The following SKI variants were observed in gnomAD, a reference collection of about 807,000 sequenced individuals.
SKI encodes ski oncogene.
In SKI, 23 loss-of-function variants were observed where a neutral mutation model predicts 59.3. The observed-to-expected ratio is 0.39, with a 90% confidence interval of 0.28 to 0.55. SKI has a LOEUF of 0.55. Ranked by LOEUF, SKI falls within the 20% of genes least tolerant of loss-of-function variation. The pLI is 0.67. For missense variants in SKI, 1,017 were observed against 1,038.9 expected, an observed-to-expected ratio of 0.98 and a Z score of 0.29; for synonymous variants, 673 against 488.6, an observed-to-expected ratio of 1.38 and a Z score of -4.98.
chr1:2,283,076 G>A (rs776253106), intron 1 of SKI, among the ~76,000 whole-genome samples: 2 of 152,222 alleles, frequency 1.3e-5, no homozygotes, highest in South Asian at 2.1e-4. Flanking sequence ...GGAGGATCCC[G>A]TGGGAATGAC....
At chr1:2,306,511 G>A (rs1640586043) in intron 6 of SKI, 66 bp from the exon 7 acceptor site, 21 of 1,478,634 alleles carry the variant, frequency 1.4e-5, no homozygotes, top group Non-Finnish European at 1.9e-5. Flanking sequence ...CCTCGGGTGG[G>A]GGAAGCAGCG....
chr1:2,296,405 C>T (rs769028160), intron 1 of SKI, among the ~76,000 whole-genome samples: 3 of 152,028 alleles, frequency 2.0e-5, no homozygotes, highest in Non-Finnish European at 4.4e-5. Context: ...CAAAAACAAA[C>T]AAACCCAGTT....
intron 1 of SKI, among the ~76,000 whole-genome samples, chr1:2,287,789 C>T (rs1640075089): frequency 6.6e-6 from 1 of 152,160 alleles, no homozygotes; most frequent in Non-Finnish European, 1.5e-5. Context: ...GATCTCCCCT[C>T]ACCTTGGGGG....
rs903106718 is a variant in SKI, at chr1:2,307,700, T to C, written c.*935T>C. The C allele has an allele frequency of 2.6e-5, 4 of 152,554 alleles. No individual in the cohort carries two copies. Among genetic ancestry groups the C allele is most frequent in the Non-Finnish European group, 5.9e-5 (4 of 68,034 alleles). The allele number at this position is 152,554 out of a possible 1,614,324, so 9.5% of individuals were successfully genotyped here. A position where few individuals can be genotyped will look rare whatever the true frequency, so the allele number is the denominator to read the frequency against. On this transcript the variant is annotated 3_prime_UTR_variant, in exon 7 of 7. Coordinates refer to ENST00000378536, the MANE Select transcript of SKI (RefSeq NM_003036.4). ...GCATTATTTCAATTTTTCTTTCTTTTTTTTTGTTCGTTCATTTAAACGTAT... is the reference window on the plus strand; with the variant it reads ...GCATTATTTCAATTTTTCTTTCTTTCTTTTTGTTCGTTCATTTAAACGTAT...
rs763083721 is a variant in SKI, at chr1:2,229,177, G to A, written c.411G>A (p.Gln137=). ...CGGTGCTGCGCGACTTCTCGCTGCA[G>A]CAGATCAACGCGGTGTGCGACGAGC... The part of the protein sequence containing the change: ...LNSVLRDFSL[Q]QINAVCDELH... Residue 137 remains glutamine (Q), a synonymous_variant, in exon 1 of 7, where the codon CAG becomes CAA. Transcript: ENST00000378536. The surrounding 1 kb of genome is among the most constrained non-coding windows in gnomAD (Gnocchi z 6.3). 1 of 1,611,566 alleles carries A rather than the reference G, an allele frequency of 6.2e-7. No homozygotes were observed. The highest frequency in any genetic ancestry group is 2.2e-5 in the East Asian group (1 of 44,816).
rs930896830 is a variant in SKI at position 2,269,820 on chromosome 1, G to A, written c.970-33158G>A. ...GCGTGGGTCTGGCGGGTCTGGTGGT[G>A]CCTGTGGCTGGCGTGGGTCTGGCGG... On this transcript the variant is annotated intron_variant, in intron 1 of 6. Coordinates refer to ENST00000378536, the MANE Select transcript of SKI (RefSeq NM_003036.4). This position sits in a 1 kb window ranked among gnomAD's most constrained non-coding sequence, Gnocchi z 4.7. Among the ~76,000 whole-genome samples the A allele has an allele frequency of 6.6e-6, 1 of 150,466 alleles. No homozygotes were observed. Among genetic ancestry groups the A allele is most frequent in the African/African-American group, 2.4e-5 (1 of 40,898 alleles).
chr1:2,306,580 G>C lies in SKI; in HGVS notation c.2002G>C (p.Glu668Gln). The change falls in exon 7 of 7, where the codon GAA becomes CAA. Residue 668 changes from glutamate to glutamine, a missense_variant. By Grantham distance (29) the Glu-to-Gln change is conservative (BLOSUM62 2). Transcript: ENST00000378536. The stretch of plus-strand genomic sequence containing the variant: ...TGACCACTCGGCTCCCTTTCAGATC[G>C]AAGACCTGCAGGTGAAGCTGCAGCA... ...RLRAKYSAQIEDLQVKLQHAE... is the reference protein window; with the variant it reads ...RLRAKYSAQIQDLQVKLQHAE... The C allele has an allele frequency of 6.5e-7, 1 of 1,542,442 alleles. No individual in the cohort carries two copies. Among genetic ancestry groups the C allele is most frequent in the Non-Finnish European group, 8.7e-7 (1 of 1,145,482 alleles).
At position 2,263,258 on chromosome 1, in the gene SKI, G is replaced by A. The variant is rs1173501798; in HGVS notation, c.969+33523G>A. On this transcript the variant is annotated intron_variant, in intron 1 of 6. Transcript: ENST00000378536. The stretch of plus-strand genomic sequence containing the variant: ...AATTTTTTTTTTTTTTTTTTTTGGA[G>A]ACGGAGTCTTGCTCTGTCGCCCAGG... Among the ~76,000 whole-genome samples the A allele has an allele frequency of 8.7e-5, 11 of 126,840 alleles. No individual in the cohort carries two copies. The South Asian group carries it at 2.7e-3, about 32-fold the overall frequency. The allele number at this position is 126,840 out of a possible 152,430, so 83.2% of individuals were successfully genotyped here. A position where few individuals can be genotyped will look rare whatever the true frequency, so the allele number is the denominator to read the frequency against.
rs1156633321 is a variant in SKI, at chr1:2,309,470, T to C, written c.*2705T>C. The C allele has an allele frequency of 6.6e-6, 1 of 152,206 alleles. No individual in the cohort carries two copies. The highest frequency in any genetic ancestry group is 1.5e-5 in the Non-Finnish European group (1 of 68,022). 9.4% of individuals were successfully genotyped at this position (152,206 alleles called of 1,614,324 possible). On this transcript the variant is annotated 3_prime_UTR_variant, in exon 7 of 7. Transcript: ENST00000378536. ...GTTCACCTGTAAATACTTTTTCCTTTTTCACCGTTGTATTATACATGTATA... is the reference window on the plus strand; with the variant it reads ...GTTCACCTGTAAATACTTTTTCCTTCTTCACCGTTGTATTATACATGTATA...
At chr1:2,256,138 CTG>C (rs1253985577) in intron 1 of SKI, among the ~76,000 whole-genome samples, 1 of 151,794 alleles carries the variant, frequency 6.6e-6, no homozygotes, top group African/African-American at 2.4e-5. Flanking sequence ...CTTTTCCAGT[CTG>C]TGCCACTCTG....
chr1:2,232,129 C>A (rs263533), intron 1 of SKI, among the ~76,000 whole-genome samples: 1 of 152,112 alleles, frequency 6.6e-6, no homozygotes, highest in Non-Finnish European at 1.5e-5. Context: ...TCCTCCCACT[C>A]GTGTCTTGAC....
intron 1 of SKI, among the ~76,000 whole-genome samples, chr1:2,271,605 A>ACGCTGCTCTCGCCCCT (rs1639622646): frequency 6.6e-6 from 1 of 151,978 alleles, no homozygotes; most frequent in African/African-American, 2.4e-5. Flanking sequence ...CTTTTGTGCT[A>ACGCTGCTCTCGCCCCT]CGCTGCTCTC....
Position 2,268,832 on chromosome 1 carries a change from C to CGTATTCTGATTCCTTCTTCCCT in SKI, c.970-34145_970-34124dup, listed in dbSNP as rs1553195333. 4.6e-5 allele frequency among the ~76,000 whole-genome samples: 7 copies of CGTATTCTGATTCCTTCTTCCCT among 152,156 alleles called. No individual in the cohort carries two copies. Among genetic ancestry groups the CGTATTCTGATTCCTTCTTCCCT allele is most frequent in the African/African-American group, 1.7e-4 (7 of 41,432 alleles). ...CAGAGAGCCCCAGCTGCTGTGCTGC[C>CGTATTCTGATTCCTTCTTCCCT]GTATTCTGATTCCTTCTTCCCTCCC... On this transcript the variant is annotated intron_variant, in intron 1 of 6. Transcript: ENST00000378536. This position sits in a 1 kb window ranked among gnomAD's most constrained non-coding sequence, Gnocchi z 5.0.
At chr1:2,293,550 G>A (rs939721409) in intron 1 of SKI, among the ~76,000 whole-genome samples, 3 of 152,196 alleles carry the variant, frequency 2.0e-5, no homozygotes, top group Non-Finnish European at 4.4e-5. Context: ...ACTGCGTTTG[G>A]ATGATTTCTT....
intron 1 of SKI, among the ~76,000 whole-genome samples, chr1:2,235,400 G>A (rs899438550): frequency 6.6e-6 from 1 of 152,152 alleles, no homozygotes; most frequent in African/African-American, 2.4e-5. Flanking sequence ...TGGAGGGGTC[G>A]CCCCCACTGT....
At chr1:2,245,328 C>G (rs1445990034) in intron 1 of SKI, among the ~76,000 whole-genome samples, 1 of 152,158 alleles carries the variant, frequency 6.6e-6, no homozygotes, top group Non-Finnish European at 1.5e-5. Flanking sequence ...CCATTTCTGT[C>G]AGTGGACACA....
intron 1 of SKI, among the ~76,000 whole-genome samples, chr1:2,250,053 C>T (rs1032918429): frequency 7.9e-5 from 12 of 152,146 alleles, no homozygotes; most frequent in East Asian, 1.9e-4. Context: ...TACAGGCGCC[C>T]GCCCACCACG....
At chr1:2,273,884 G>A (rs1309797969) in intron 1 of SKI, among the ~76,000 whole-genome samples, 1 of 152,158 alleles carries the variant, frequency 6.6e-6, no homozygotes, top group Admixed American at 6.5e-5. Flanking sequence ...GTTGTGGTGG[G>A]GATGCCTCTC....
intron 1 of SKI, among the ~76,000 whole-genome samples, chr1:2,301,427 A>G (rs1404542961): frequency 6.8e-6 from 1 of 147,474 alleles, no homozygotes; most frequent in East Asian, 2.0e-4. Flanking sequence ...CCGAGCACTT[A>G]TCTTTCTCCC....
Sources: gnomAD v4.1 joint callset for allele counts (sites outside exome capture counted in the v4.1 genomes callset) on GRCh38, gnomAD v4.1.1 for gene constraint, Gnocchi (gnomAD v3.1) non-coding constraint, MANE v1.5 for transcripts, NCBI Gene and HGNC (gene_info 2026-07-23, HGNC 2026-07-21) for gene names.